TADA2A: variants seen among roughly 807,000 people sequenced by gnomAD.
The protein encoded by TADA2A is transcriptional adaptor 2A.
A neutral mutation model predicts 67.4 loss-of-function variants in TADA2A; 38 were observed. The ratio of observed to expected loss-of-function variants is 0.56; its 90% CI spans 0.44 to 0.74. TADA2A has a LOEUF of 0.74. Ranked by LOEUF, TADA2A falls within the 30% of genes least tolerant of loss-of-function variation. TADA2A has a pLI of 0.00. For synonymous variants in TADA2A, 192 were observed against 181.6 expected (o/e 1.06, Z -0.46); for missense variants, 454 against 547.0 (o/e 0.83, Z 1.70).
intron 14 of TADA2A, among the ~76,000 whole-genome samples, chr17:37,471,948 G>A (rs1485755151): frequency 6.6e-6 from 1 of 152,158 alleles, no homozygotes; most frequent in Non-Finnish European, 1.5e-5. Context: ...TTAGTATACA[G>A]AGCAAGATTA....
rs771730538 is a variant in TADA2A, at chr17:37,471,074, A to C, written c.1029-20A>C. The C allele has an allele frequency of 6.2e-7, 1 of 1,614,108 alleles. No homozygotes were observed. Among genetic ancestry groups the C allele is most frequent in the Non-Finnish European group, 8.5e-7 (1 of 1,179,980 alleles). On this transcript the variant is annotated intron_variant, in intron 13 of 15. Transcript: ENST00000615182. The stretch of plus-strand genomic sequence containing the variant: ...CTTGTTTGATATGACCTAAGTTTAA[A>C]TTCCTCTTCTTCGTTGTAGTGATTC...
At chr17:37,426,675 A>C (rs2052417492) in intron 3 of TADA2A, 1 of 226,240 alleles carries the variant, frequency 4.4e-6, no homozygotes, top group Admixed American at 5.8e-5. Flanking sequence ...GAAAAAAAAA[A>C]AAAAAAAAAA....
At chr17:37,432,925 ATTTTTTTTTTTT>A (rs1046006991) in intron 4 of TADA2A, among the ~76,000 whole-genome samples, 13 of 52,212 alleles carry the variant, frequency 2.5e-4, no homozygotes, top group African/African-American at 3.7e-4. Flanking sequence ...TGGTATTACA[ATTTTTTTTTTTT>A]TTTTTTTTTT....
intron 7 of TADA2A, 29 bp from the exon 8 acceptor site, chr17:37,444,667 G>C (rs201464992): frequency 3.1e-6 from 5 of 1,600,148 alleles, no homozygotes; most frequent in Non-Finnish European, 3.4e-6. Context: ...ATGGGTTTGG[G>C]GTGGGGATTT....
intron 1 of TADA2A, among the ~76,000 whole-genome samples, chr17:37,408,859 T>C (rs952182927): frequency 5.3e-5 from 8 of 152,210 alleles, no homozygotes; most frequent in African/African-American, 1.9e-4. Flanking sequence ...GGAAAGTTCT[T>C]TGATGGCAGC....
At chr17:37,438,800 C>G (rs1317962674) in intron 5 of TADA2A, among the ~76,000 whole-genome samples, 1 of 152,198 alleles carries the variant, frequency 6.6e-6, no homozygotes, top group Non-Finnish European at 1.5e-5. Context: ...TTACCATTCT[C>G]TCTAAAATAG....
At chr17:37,429,805 C>G (rs1034892306) in intron 4 of TADA2A, among the ~76,000 whole-genome samples, 1 of 140,266 alleles carries the variant, frequency 7.1e-6, no homozygotes, top group Non-Finnish European at 1.6e-5. Context: ...TAGCCTTCCT[C>G]TATCCATCTC....
intron 6 of TADA2A, among the ~76,000 whole-genome samples, chr17:37,442,198 CTTTTTTTTTTTTTTT>C (rs760306260): frequency 2.4e-4 from 18 of 75,396 alleles, no homozygotes; most frequent in Non-Finnish European, 4.4e-4. Context: ...TTTTTCCCGT[CTTTTTTTTTTTTTTT>C]TTTTTTTGCC....
chr17:37,422,154 C>G (rs2052256819), intron 2 of TADA2A, among the ~76,000 whole-genome samples: 1 of 144,354 alleles, frequency 6.9e-6, no homozygotes, highest in African/African-American at 2.5e-5. Flanking sequence ...CAAGTGATTC[C>G]TCTGCCTCAG....
chr17:37,440,247 ATCTT>A (rs2052872567), intron 5 of TADA2A, among the ~76,000 whole-genome samples: 2 of 152,184 alleles, frequency 1.3e-5, no homozygotes, highest in Admixed American at 6.5e-5. Flanking sequence ...GGCCTCAGTC[ATCTT>A]TCTTTAAGTG....
Position 37,437,743 on chromosome 17 carries a change from A to G in TADA2A, c.198A>G (p.Ser66=), listed in dbSNP as rs1381435548. ...CAAAACTTTTTTCTCCTTAGACTTCAGATTTTCCTGTCCTTGATCCCAGCT... is the reference window on the plus strand; with the variant it reads ...CAAAACTTTTTTCTCCTTAGACTTCGGATTTTCCTGTCCTTGATCCCAGCT... ...QSDHTYEIMT[S]DFPVLDPSWT... Residue 66 remains serine (S), a synonymous_variant, in exon 5 of 16, where the codon TCA becomes TCG. Transcript: ENST00000615182. 2.5e-6 allele frequency: 4 copies of G among 1,613,974 alleles called. No homozygotes were observed. Among genetic ancestry groups the G allele is most frequent in the African/African-American group, 2.7e-5 (2 of 74,920 alleles).
At chr17:37,412,785 A>C (rs75778569) in intron 2 of TADA2A, among the ~76,000 whole-genome samples, 1 of 38 alleles carries the variant, frequency 0.026, no homozygotes, top group South Asian at 0.5. Context: ...ATCTGTCTCA[A>C]AAAAAAAAAA....
At chr17:37,455,870 TTG>T (rs1226983637) in intron 8 of TADA2A, among the ~76,000 whole-genome samples, 1 of 152,052 alleles carries the variant, frequency 6.6e-6, no homozygotes, top group Non-Finnish European at 1.5e-5. Context: ...GCCATTTGTT[TTG>T]TATGCATGGT....
At chr17:37,422,102 G>A (rs2052254881) in intron 2 of TADA2A, among the ~76,000 whole-genome samples, 1 of 144,562 alleles carries the variant, frequency 6.9e-6, no homozygotes, top group African/African-American at 2.5e-5. Context: ...CTGGAGTGCA[G>A]CGGCGCGATC....
At chr17:37,410,375 TATGTTGCCC>T (rs1238813450) in intron 1 of TADA2A, among the ~76,000 whole-genome samples, 24 of 150,584 alleles carry the variant, frequency 1.6e-4, no homozygotes, top group Middle Eastern at 3.4e-3. Context: ...GGGGTCTCCC[TATGTTGCCC>T]AGGCTGGTCT....
At chr17:37,434,895 C>T (rs2052675704) in intron 4 of TADA2A, among the ~76,000 whole-genome samples, 1 of 152,176 alleles carries the variant, frequency 6.6e-6, no homozygotes, top group Admixed American at 6.5e-5. Context: ...TTTTAGTTAA[C>T]AGGAGTCTCT....
chr17:37,432,715 A>G lies in TADA2A; in HGVS notation c.193-5023A>G, dbSNP rs372249673. 6.6e-5 allele frequency among the ~76,000 whole-genome samples: 10 copies of G among 152,306 alleles called. No individual in the cohort carries two copies. In the South Asian group the frequency reaches 1.9e-3, roughly 28 times the overall value. ...TTCACTGTTTTTTGGATAAATACCTAGGAGTGAAATTGCTGGGTCATAGAG... is the reference window on the plus strand; with the variant it reads ...TTCACTGTTTTTTGGATAAATACCTGGGAGTGAAATTGCTGGGTCATAGAG... On this transcript the variant is annotated intron_variant, in intron 4 of 15. Transcript: ENST00000615182.
In TADA2A at chr17:37,442,622, G is replaced by A. The variant is rs1397826883; in HGVS notation, c.501G>A (p.Gly167=). 1 of 1,613,706 alleles carries A rather than the reference G, an allele frequency of 6.2e-7. No individual in the cohort carries two copies. Among genetic ancestry groups the A allele is most frequent in the African/African-American group, 1.3e-5 (1 of 74,798 alleles). The part of the protein sequence containing the change: ...FDSLLSRDMA[G]YMPARADFIE... ...CCTTGCTTTCTCGGGACATGGCCGG[G>A]TACATGCCAGCTCGAGCAGATTTCA... is the stretch of plus-strand genomic sequence containing the variant. The change falls in exon 7 of 16, where the codon GGG becomes GGA. Residue 167 remains glycine, a synonymous_variant. Coordinates refer to ENST00000615182, the MANE Select transcript of TADA2A (RefSeq NM_001166105.3).
At position 37,470,501 on chromosome 17, in the gene TADA2A, T is replaced by TG; in HGVS notation, c.998dup (p.Cys333TrpfsTer10). ...CCAGTATATCCAGGACAGTAGTGCT[T>TG]GCCAGCAGTGGCTCCGCCGGCAAGC... On this transcript the variant is annotated frameshift_variant, in exon 13 of 16. Coordinates refer to ENST00000615182, the MANE Select transcript of TADA2A (RefSeq NM_001166105.3). LOFTEE classifies it high-confidence loss of function. 1 of 1,586,108 alleles carries TG rather than the reference T, an allele frequency of 6.3e-7. No individual in the cohort carries two copies. The highest frequency in any genetic ancestry group is 8.5e-7 in the Non-Finnish European group (1 of 1,169,596).
Sources: gnomAD v4.1 joint callset for allele counts (sites outside exome capture counted in the v4.1 genomes callset) on GRCh38, gnomAD v4.1.1 for gene constraint, MANE v1.5 for transcripts, NCBI Gene and HGNC (gene_info 2026-07-23, HGNC 2026-07-21) for gene names.